Variants in CEP112 observed in about 807,000 individuals in gnomAD.
CEP112 encodes centrosomal protein 112.
CEP112 carries 127 observed loss-of-function variants against 153.0 expected under a neutral mutation model. The observed-to-expected ratio is 0.83, with a 90% CI of 0.72 to 0.96. CEP112 has a LOEUF of 0.96. Ranked by LOEUF, CEP112 falls within the 40% of genes least tolerant of loss-of-function variation. CEP112 has a pLI of 0.00. For synonymous variants in CEP112, 358 were observed against 374.4 expected, an observed-to-expected ratio of 0.96 and a Z score of 0.51; for missense variants, 1,089 against 1,101.2, an observed-to-expected ratio of 0.99 and a Z score of 0.16.
At chr17:65,748,188 T>C (rs926801317) in intron 22 of CEP112, among the ~76,000 whole-genome samples, 3 of 152,242 alleles carry the variant, frequency 2.0e-5, no homozygotes, top group South Asian at 2.1e-4. Context: ...TATTTAGAAG[T>C]TGGCAAACAA....
intron 6 of CEP112, among the ~76,000 whole-genome samples, chr17:66,102,304 A>G (rs1240124512): frequency 6.6e-6 from 1 of 152,216 alleles, no homozygotes; most frequent in Non-Finnish European, 1.5e-5. Context: ...AACTCTACAT[A>G]AAGTAATAAA....
chr17:66,082,750 G>A (rs111768943), intron 8 of CEP112, among the ~76,000 whole-genome samples: 1,746 of 149,672 alleles, frequency 0.012, 34 homozygotes, highest in African/African-American at 0.041. Context: ...GCGACAGAGC[G>A]AGACTCTGTC....
rs1006657697 is a variant in CEP112 at position 66,046,806 on chromosome 17, C to T, written c.1218+6930G>A. ...GAGACAGAAATACACAATGAAAATG[C>T]AAATGTTGACAGCAGGACTGCCATG... is the stretch of plus-strand genomic sequence containing the variant. On this transcript the variant is annotated intron_variant, in intron 12 of 26. Transcript: ENST00000535342. Among the ~76,000 whole-genome samples, 6 of 5,592 alleles carry T rather than the reference C, an allele frequency of 1.1e-3. No homozygotes were observed. The Non-Finnish European group carries it at 0.031, about 29-fold the overall frequency. 3.7% of individuals were successfully genotyped at this position (5,592 alleles called of 152,430 possible). A position where few individuals can be genotyped will look rare whatever the true frequency, so the allele number is the denominator to read the frequency against.
chr17:66,149,893 T>G (rs2071114000), intron 4 of CEP112, among the ~76,000 whole-genome samples: 1 of 102,792 alleles, frequency 9.7e-6, no homozygotes, highest in Non-Finnish European at 2.0e-5. Context: ...TGTTTGTTTT[T>G]TTTTTTTTTT....
chr17:65,673,424 C>G (rs973639265), intron 24 of CEP112, among the ~76,000 whole-genome samples: 5 of 152,190 alleles, frequency 3.3e-5, no homozygotes, highest in African/African-American at 1.2e-4. Context: ...AGCCCCACCA[C>G]TTGGATAATC....
intron 24 of CEP112, among the ~76,000 whole-genome samples, chr17:65,668,573 T>C (rs1233343032): frequency 1.3e-5 from 2 of 152,240 alleles, no homozygotes; most frequent in Admixed American, 6.5e-5. Flanking sequence ...CCTGCCTGTA[T>C]GTGGCTTTCG....
chr17:65,655,383 T>C, intron 24 of CEP112: 2 of 1,547,506 alleles, frequency 1.3e-6, no homozygotes, highest in Non-Finnish European at 8.9e-7. Flanking sequence ...GAAGCTCAAC[T>C]CCAGTAAAGA....
chr17:65,687,559 A>G (rs1187644510), intron 24 of CEP112, among the ~76,000 whole-genome samples: 1 of 152,176 alleles, frequency 6.6e-6, no homozygotes, highest in Non-Finnish European at 1.5e-5. Context: ...GTATATGTAT[A>G]TATGTATATT....
intron 6 of CEP112, among the ~76,000 whole-genome samples, chr17:66,101,317 C>T (rs2068560989): frequency 6.6e-6 from 1 of 151,806 alleles, no homozygotes; most frequent in Admixed American, 6.6e-5. Context: ...AGATTTCCTC[C>T]AAGAATCAAG....
intron 17 of CEP112, among the ~76,000 whole-genome samples, chr17:65,980,462 T>C (rs1246505594): frequency 6.6e-6 from 1 of 152,216 alleles, no homozygotes; most frequent in African/African-American, 2.4e-5. Flanking sequence ...TTCCAGAAAA[T>C]TAGGTCTGTT....
Position 66,028,242 on chromosome 17 carries a change from C to T in CEP112, c.1596+71G>A. 5 of 884,054 alleles carry T rather than the reference C, an allele frequency of 5.7e-6. No homozygotes were observed. The South Asian group carries it at 8.2e-5, about 14-fold the overall frequency. The allele number at this position is 884,054 out of a possible 1,614,324, so 54.8% of individuals were successfully genotyped here. A position where few individuals can be genotyped will look rare whatever the true frequency, so the allele number is the denominator to read the frequency against. On this transcript the variant is annotated intron_variant, in intron 15 of 26. Coordinates refer to ENST00000535342, the MANE Select transcript of CEP112 (RefSeq NM_001199165.4). ...CTGAGTTTTATTTTTTTAATTGACTCTCAATGATACATCTGAATCAAGAAA... is the reference window on the plus strand; with the variant it reads ...CTGAGTTTTATTTTTTTAATTGACTTTCAATGATACATCTGAATCAAGAAA...
At chr17:65,920,080 C>T (rs547100559) in intron 19 of CEP112, among the ~76,000 whole-genome samples, 1 of 151,930 alleles carries the variant, frequency 6.6e-6, no homozygotes, top group Non-Finnish European at 1.5e-5. Context: ...TGCAGTGGCT[C>T]ACGCCTGTAA....
intron 20 of CEP112, among the ~76,000 whole-genome samples, chr17:65,872,111 T>G (rs2058686532): frequency 6.6e-6 from 1 of 152,194 alleles, no homozygotes; most frequent in Non-Finnish European, 1.5e-5. Flanking sequence ...ATGGTAATAT[T>G]ATTTGCCTCT....
At chr17:65,796,869 C>CAAAAAA (rs1220753944) in intron 21 of CEP112, among the ~76,000 whole-genome samples, 2 of 40,510 alleles carry the variant, frequency 4.9e-5, no homozygotes, top group African/African-American at 1.7e-4. Flanking sequence ...CCCATCTCTA[C>CAAAAAA]AAAAAAAAAA....
chr17:65,996,133 T>C (rs887967191), intron 17 of CEP112, among the ~76,000 whole-genome samples: 5 of 6,048 alleles, frequency 8.3e-4, no homozygotes, highest in Non-Finnish European at 1.9e-3. Flanking sequence ...AATATACGTG[T>C]GTGTGTGTGT....
chr17:65,851,249 G>C (rs1420809493), intron 21 of CEP112, among the ~76,000 whole-genome samples: 5 of 152,154 alleles, frequency 3.3e-5, no homozygotes, highest in African/African-American at 1.2e-4. Flanking sequence ...GAATATTTGA[G>C]ATTGCACCTT....
At chr17:65,714,211 T>C (rs1364327453) in intron 23 of CEP112, among the ~76,000 whole-genome samples, 3 of 152,178 alleles carry the variant, frequency 2.0e-5, no homozygotes, top group African/African-American at 7.2e-5. Flanking sequence ...CACATATACA[T>C]ATACACGTGT....
intron 6 of CEP112, among the ~76,000 whole-genome samples, chr17:66,111,896 C>T (rs1300989783): frequency 6.6e-6 from 1 of 151,980 alleles, no homozygotes; most frequent in Non-Finnish European, 1.5e-5. Context: ...AAGAACTTCT[C>T]CAAAAAATAC....
At position 65,937,461 on chromosome 17, in the gene CEP112, C is replaced by T. The variant is rs1410107994; in HGVS notation, c.1873-9772G>A. On this transcript the variant is annotated intron_variant, in intron 18 of 26. Transcript: ENST00000535342. Reference sequence around the variant, plus strand: ...CTGGGAGGTGAGGAGCGTCTCTGCCCGGCCGCCCCGTCTGAGAAGTGAGGA... The same window carrying T: ...CTGGGAGGTGAGGAGCGTCTCTGCCTGGCCGCCCCGTCTGAGAAGTGAGGA... Among the ~76,000 whole-genome samples the T allele has an allele frequency of 6.2e-5, 7 of 112,712 alleles. 2 individuals are homozygous for T. The highest frequency in any genetic ancestry group is 9.4e-5 in the Non-Finnish European group (5 of 53,158). 73.9% of individuals were successfully genotyped at this position (112,712 alleles called of 152,430 possible).
Sources: allele counts gnomAD v4.1 joint callset (sites outside exome capture counted in the v4.1 genomes callset), GRCh38; gene constraint gnomAD v4.1.1; transcripts MANE v1.5; gene names NCBI Gene and HGNC (gene_info 2026-07-23, HGNC 2026-07-21).